Variants in ZNF730 observed in about 807,000 individuals in gnomAD.
ZNF730 encodes the protein zinc finger protein 730.
ZNF730 carries 12 observed loss-of-function variants against 12.6 expected under a neutral mutation model. That is an observed-to-expected ratio of 0.95 (90% CI 0.61 to 1.54). ZNF730 has a LOEUF of 1.54. Ranked by LOEUF, ZNF730 falls within the 40% of genes most tolerant of loss-of-function variation. ZNF730 has a pLI of 0.00. For missense variants in ZNF730, 643 were observed against 583.5 expected (o/e 1.10, Z -1.05); for synonymous variants, 194 against 195.8 (o/e 0.99, Z 0.08).
In ZNF730 at chr19:23,145,589, T is replaced by G; in HGVS notation, c.545T>G (p.Phe182Cys). Residue 182 changes from phenylalanine (F) to cysteine (C), a missense_variant, in exon 4 of 4, where the codon TTT (phenylalanine) becomes TGT (cysteine). Coordinates refer to ENST00000597761, the MANE Select transcript of ZNF730 (RefSeq NM_001277403.2). ...PFKCKECGKLFCILSHLAQHK... is the reference protein window; with the variant it reads ...PFKCKECGKLCCILSHLAQHK... ...AAATGTAAAGAATGTGGAAAATTAT[T>G]TTGCATTCTTTCACACTTAGCTCAA... 1 of 1,543,382 alleles carries G rather than the reference T, an allele frequency of 6.5e-7. No individual in the cohort carries two copies. Among genetic ancestry groups the G allele is most frequent in the African/African-American group, 1.4e-5 (1 of 72,592 alleles).
chr19:23,144,124 A>T (rs944741443), intron 3 of ZNF730: 3 of 152,002 alleles, frequency 2.0e-5, no homozygotes, highest in African/African-American at 7.2e-5. Flanking sequence ...ATCAATTTTT[A>T]AAATTAATGT....
At chr19:23,114,309 T>TTTTC (rs1163118995), upstream of ZNF730, among the ~76,000 whole-genome samples, 2 of 78,408 alleles carry the variant, frequency 2.6e-5, no homozygotes, top group East Asian at 2.3e-4. Flanking sequence ...TCTTTTCTTT[T>TTTTC]TTTTTTTTTT....
At chr19:23,080,884 C>T (rs1386348100) in intron 1 of ZNF730, among the ~76,000 whole-genome samples, 21 of 134,312 alleles carry the variant, frequency 1.6e-4, no homozygotes, top group Non-Finnish European at 1.2e-4. Flanking sequence ...CTTGCTCTGT[C>T]GCCCAGGCTA....
At chr19:23,143,662 A>T (rs1970961580) in intron 3 of ZNF730, 1 of 152,086 alleles carries the variant, frequency 6.6e-6, no homozygotes, top group Non-Finnish European at 1.5e-5. Flanking sequence ...GCTATTTTGG[A>T]ACATCATTTT....
intron 3 of ZNF730, among the ~76,000 whole-genome samples, chr19:23,142,970 C>T (rs551193618): frequency 6.6e-6 from 1 of 152,056 alleles, no homozygotes; most frequent in African/African-American, 2.4e-5. Flanking sequence ...AGTAGCCAGG[C>T]GTGGTGGCTC....
At chr19:23,125,497 G>A (rs980858081) in intron 1 of ZNF730, among the ~76,000 whole-genome samples, 1 of 152,132 alleles carries the variant, frequency 6.6e-6, no homozygotes, top group African/African-American at 2.4e-5. Context: ...CTGGAGCAAA[G>A]GTGACTTTTC....
upstream of ZNF730, chr19:23,116,912 AG>A: frequency 2.4e-6 from 1 of 410,332 alleles, no homozygotes; most frequent in Non-Finnish European, 4.2e-6. Context: ...TCTGTCACTC[AG>A]GGCCTGAGGG....
chr19:23,083,315 T>G (rs757692632), intron 1 of ZNF730, among the ~76,000 whole-genome samples: 1 of 151,898 alleles, frequency 6.6e-6, no homozygotes, highest in Non-Finnish European at 1.5e-5. Flanking sequence ...TCCCAGCTAC[T>G]CGGGAGGCTG....
At chr19:23,139,649 C>T (rs1054412669) in intron 3 of ZNF730, among the ~76,000 whole-genome samples, 5 of 152,190 alleles carry the variant, frequency 3.3e-5, no homozygotes, top group East Asian at 3.9e-4. Context: ...CTCAGCCTCC[C>T]GAGTAACTGG....
At chr19:23,109,526 A>C (rs1970436562) in intron 1 of ZNF730, among the ~76,000 whole-genome samples, 1 of 151,770 alleles carries the variant, frequency 6.6e-6, no homozygotes, top group South Asian at 2.1e-4. Context: ...CTCCTGCCTC[A>C]GCCTCCCGAG....
At chr19:23,083,347 C>CGGGGAG (rs1287082377) in intron 1 of ZNF730, among the ~76,000 whole-genome samples, 2 of 152,018 alleles carry the variant, frequency 1.3e-5, no homozygotes, top group Non-Finnish European at 2.9e-5. Flanking sequence ...CCGCTTGAAC[C>CGGGGAG]GGGGAGGGGG....
At chr19:23,095,267 C>T (rs1970228908) in intron 1 of ZNF730, 1 of 397,412 alleles carries the variant, frequency 2.5e-6, no homozygotes, top group African/African-American at 2.1e-5. Flanking sequence ...CCACAGGGGA[C>T]ATTGTGTAAT....
intron 3 of ZNF730, among the ~76,000 whole-genome samples, chr19:23,139,573 G>T (rs1599600727): frequency 6.6e-6 from 1 of 152,044 alleles, no homozygotes; most frequent in South Asian, 2.1e-4. Context: ...TTCCCAGGCT[G>T]GAGTGCAGTG....
chr19:23,098,568 T>A (rs1282060801), intron 1 of ZNF730, among the ~76,000 whole-genome samples: 1 of 152,172 alleles, frequency 6.6e-6, no homozygotes, highest in Non-Finnish European at 1.5e-5. Context: ...AAAATGTGAC[T>A]CCATTTCTAC....
chr19:23,093,564 C>T (rs1329395586), intron 1 of ZNF730, among the ~76,000 whole-genome samples: 1 of 152,238 alleles, frequency 6.6e-6, no homozygotes, highest in African/African-American at 2.4e-5. Flanking sequence ...GTGGTGGCAG[C>T]TTGATCCCCG....
chr19:23,079,963 G>A (rs1364457179), intron 1 of ZNF730, among the ~76,000 whole-genome samples: 1 of 151,814 alleles, frequency 6.6e-6, no homozygotes, highest in African/African-American at 2.4e-5. Flanking sequence ...TTATTTATTT[G>A]GAGTCGAACT....
chr19:23,136,591 A>G (rs1970835869), intron 3 of ZNF730, among the ~76,000 whole-genome samples: 1 of 152,072 alleles, frequency 6.6e-6, no homozygotes, highest in East Asian at 1.9e-4. Context: ...TTTTTAAGTT[A>G]TCTTTTTGCA....
At chr19:23,101,661 C>T (rs1367415815) in intron 1 of ZNF730, among the ~76,000 whole-genome samples, 1 of 152,176 alleles carries the variant, frequency 6.6e-6, no homozygotes, top group Non-Finnish European at 1.5e-5. Flanking sequence ...CCTCTGCCTC[C>T]CAGGTTCAAG....
chr19:23,089,100 G>C (rs1970114181), intron 1 of ZNF730, among the ~76,000 whole-genome samples: 1 of 152,066 alleles, frequency 6.6e-6, no homozygotes, highest in Admixed American at 6.6e-5. Flanking sequence ...TCGAACTCTC[G>C]ACCTCAGGCG....
Sources: gnomAD v4.1 joint callset for allele counts (sites outside exome capture counted in the v4.1 genomes callset) on GRCh38, gnomAD v4.1.1 for gene constraint, MANE v1.5 for transcripts, NCBI Gene and HGNC (gene_info 2026-07-23, HGNC 2026-07-21) for gene names.